The following CEP128 variants were observed in gnomAD, a reference collection of about 807,000 sequenced individuals.
CEP128 encodes centrosomal protein 128.
CEP128 carries 132 observed loss-of-function variants against 156.7 expected under a neutral mutation model. The observed-to-expected ratio is 0.84, with a 90% CI of 0.73 to 0.97. The LOEUF is 0.97. Ranked by LOEUF, CEP128 falls within the 50% of genes least tolerant of loss-of-function variation. CEP128 has a pLI of 0.00. For missense variants in CEP128, 1,252 were observed against 1,281.9 expected (o/e 0.98, Z 0.36); for synonymous variants, 469 against 448.9 (o/e 1.04, Z -0.57).
chr14:80,559,249 T>A (rs765773565), intron 21 of CEP128, 30 bp downstream of exon 21: 2 of 1,595,736 alleles, frequency 1.3e-6, no homozygotes, highest in Non-Finnish European at 1.7e-6. Flanking sequence ...GTAATTCTGA[T>A]AAAAGGAGAA....
intron 19 of CEP128, among the ~76,000 whole-genome samples, chr14:80,673,804 T>G (rs1219210964): frequency 6.6e-6 from 1 of 151,914 alleles, no homozygotes; most frequent in Non-Finnish European, 1.5e-5. Flanking sequence ...CTCTTTTTTT[T>G]TTAGCATCAG....
chr14:80,541,370 T>A (rs905795450), intron 21 of CEP128, among the ~76,000 whole-genome samples: 3 of 147,560 alleles, frequency 2.0e-5, no homozygotes, highest in African/African-American at 7.6e-5. Flanking sequence ...GGAGTTAATA[T>A]TTACCCAAGA....
Position 80,634,541 on chromosome 14 carries a change from G to A in CEP128, c.2807-54118C>T, listed in dbSNP as rs1395647513. 2.0e-5 allele frequency among the ~76,000 whole-genome samples: 3 copies of A among 152,176 alleles called. No individual in the cohort carries two copies. In the East Asian group the frequency reaches 5.8e-4, roughly 29 times the overall value. ...CAATATTTTGTATTTCACAATTGGT[G>A]AGTTACGCTTAGTAGGCATTTTTTC... is the stretch of plus-strand genomic sequence containing the variant. On this transcript the variant is annotated intron_variant, in intron 19 of 24. Coordinates refer to ENST00000555265, the MANE Select transcript of CEP128 (RefSeq NM_152446.5).
intron 2 of CEP128, among the ~76,000 whole-genome samples, chr14:80,928,092 C>A (rs1214812396): frequency 6.6e-6 from 1 of 152,178 alleles, no homozygotes; most frequent in African/African-American, 2.4e-5. Context: ...AAAGTTACAT[C>A]CTCAAGGTGG....
At chr14:80,550,895 A>C (rs1455950161) in intron 21 of CEP128, among the ~76,000 whole-genome samples, 1 of 151,648 alleles carries the variant, frequency 6.6e-6, no homozygotes, top group Non-Finnish European at 1.5e-5. Context: ...TCCCACACTG[A>C]ATTAGTTCAC....
intron 19 of CEP128, among the ~76,000 whole-genome samples, chr14:80,637,795 CA>C (rs1894249179): frequency 6.6e-6 from 1 of 152,170 alleles, no homozygotes; most frequent in African/African-American, 2.4e-5. Context: ...TATGTCATCC[CA>C]AGTGTCCTTA....
chr14:80,932,744 A>G (rs1337083927), intron 2 of CEP128, among the ~76,000 whole-genome samples: 1 of 152,186 alleles, frequency 6.6e-6, no homozygotes, highest in Non-Finnish European at 1.5e-5. Flanking sequence ...AACAGAAATA[A>G]AGTACACAAT....
At chr14:80,727,622 G>T (rs921984652) in intron 19 of CEP128, among the ~76,000 whole-genome samples, 1 of 152,020 alleles carries the variant, frequency 6.6e-6, no homozygotes, top group Non-Finnish European at 1.5e-5. Flanking sequence ...TGTAAATTAT[G>T]CATCCAACAA....
intron 21 of CEP128, among the ~76,000 whole-genome samples, chr14:80,538,007 T>C (rs1173901775): frequency 6.6e-6 from 1 of 152,218 alleles, no homozygotes; most frequent in Non-Finnish European, 1.5e-5. Context: ...ATTAATGGTC[T>C]TTATTATTCT....
intron 8 of CEP128, among the ~76,000 whole-genome samples, chr14:80,890,829 A>G (rs567934654): frequency 1.3e-5 from 2 of 152,126 alleles, no homozygotes; most frequent in East Asian, 1.9e-4. Context: ...ACCATTATTC[A>G]TAAGGAGCTC....
At chr14:80,651,095 A>G (rs1210629912) in intron 19 of CEP128, among the ~76,000 whole-genome samples, 1 of 151,872 alleles carries the variant, frequency 6.6e-6, no homozygotes, top group Non-Finnish European at 1.5e-5. Flanking sequence ...TCAATTTGAG[A>G]ATTTGTTATT....
At chr14:80,596,718 C>G (rs932282776) in intron 19 of CEP128, among the ~76,000 whole-genome samples, 1 of 127,992 alleles carries the variant, frequency 7.8e-6, no homozygotes, top group Non-Finnish European at 1.6e-5. Flanking sequence ...GAGGCTGAGG[C>G]AGAAGGATCA....
At chr14:80,676,189 C>G (rs1422534732) in intron 19 of CEP128, among the ~76,000 whole-genome samples, 2 of 152,078 alleles carry the variant, frequency 1.3e-5, no homozygotes, top group Non-Finnish European at 1.5e-5. Context: ...TTCATAAACA[C>G]AAGGTAGATC....
At chr14:80,936,777 T>A (rs1340402285) in intron 2 of CEP128, among the ~76,000 whole-genome samples, 1 of 152,090 alleles carries the variant, frequency 6.6e-6, no homozygotes, top group East Asian at 1.9e-4. Context: ...CCCTAACAAA[T>A]GTTATTTGTT....
At chr14:80,678,064 G>GTATATATATATATATATATGTATATA (rs1274703937) in intron 19 of CEP128, among the ~76,000 whole-genome samples, 1 of 27,450 alleles carries the variant, frequency 3.6e-5, no homozygotes, top group African/African-American at 9.4e-5. Flanking sequence ...ATATATATAT[G>GTATATATATATATATATATGTATATA]TATATATATA....
At chr14:80,872,063 G>T (rs566445652) in intron 8 of CEP128, among the ~76,000 whole-genome samples, 1 of 152,032 alleles carries the variant, frequency 6.6e-6, no homozygotes, top group East Asian at 1.9e-4. Context: ...CTCTATTAAT[G>T]GTCAACCCTT....
chr14:80,598,921 T>C (rs373770932), intron 19 of CEP128, among the ~76,000 whole-genome samples: 1 of 152,126 alleles, frequency 6.6e-6, no homozygotes, highest in African/African-American at 2.4e-5. Flanking sequence ...TATAAAAACA[T>C]GGTAGATCTT....
At chr14:80,627,740 CTTTTTTT>C (rs11287309) in intron 19 of CEP128, among the ~76,000 whole-genome samples, 1 of 129,562 alleles carries the variant, frequency 7.7e-6, no homozygotes, top group African/African-American at 2.8e-5. Context: ...TTATTATTTT[CTTTTTTT>C]TTTTTTTTTG....
At chr14:80,521,773 C>T (rs2140249234) in intron 23 of CEP128, among the ~76,000 whole-genome samples, 1 of 152,292 alleles carries the variant, frequency 6.6e-6, no homozygotes, top group African/African-American at 2.4e-5. Context: ...ATGTATTGTA[C>T]ACTCACTGTG....
Sources: allele counts gnomAD v4.1 joint callset (sites outside exome capture counted in the v4.1 genomes callset), GRCh38; gene constraint gnomAD v4.1.1; transcripts MANE v1.5; gene names NCBI Gene and HGNC (gene_info 2026-07-23, HGNC 2026-07-21).